The following USP24 variants were observed in gnomAD, a reference collection of about 807,000 sequenced individuals.
The protein encoded by USP24 is ubiquitin carboxyl-terminal hydrolase 24.
USP24 carries 97 observed loss-of-function variants against 361.6 expected under a neutral mutation model. That is an observed-to-expected ratio of 0.27 (90% CI 0.23 to 0.32). The LOEUF (loss-of-function observed/expected upper bound fraction) is 0.32. Ranked by LOEUF, USP24 falls within the 10% of genes least tolerant of loss-of-function variation. USP24 has a pLI of 1.00. For missense variants in USP24, 2,353 were observed against 3,165.6 expected (o/e 0.74, Z 6.16); for synonymous variants, 1,098 against 1,124.6 (o/e 0.98, Z 0.47).
At chr1:55,172,544 T>G (rs368844505) in intron 3 of USP24, 24 bp from the exon 4 acceptor site, 1 of 1,592,248 alleles carries the variant, frequency 6.3e-7, no homozygotes, top group Non-Finnish European at 8.5e-7. Context: ...AAGGGCAATC[T>G]AGAGTCTAAC....
At position 55,071,823 on chromosome 1, in the gene USP24, A is replaced by T. The variant is rs573418772; in HGVS notation, c.7791T>A (p.His2597Gln). Reference sequence around the variant, plus strand: ...ATGCTGACCGTTATACCTGCTGTAGATGCCTGTCTCCGTTCTCATTGGCAG... The same window carrying T: ...ATGCTGACCGTTATACCTGCTGTAGTTGCCTGTCTCCGTTCTCATTGGCAG... The part of the protein sequence containing the change: ...SSPANENGDR[H>Q]LQQGSESPMM... The change falls in exon 67 of 68, where the codon CAT becomes CAA. Residue 2597 changes from histidine (H) to glutamine (Q), a missense_variant. Around this residue, in one of 8 missense-constraint regions of USP24, gnomAD observed 53 missense variants for 57.7 expected, o/e 0.92. Transcript: ENST00000294383. 1.4e-5 allele frequency: 22 copies of T among 1,612,498 alleles called. No homozygotes were observed. Among genetic ancestry groups the T allele is most frequent in the Non-Finnish European group, 1.7e-5 (20 of 1,179,340 alleles).
At position 55,148,497 on chromosome 1, in the gene USP24, G is replaced by A. The variant is rs1172951945; in HGVS notation, c.1934C>T (p.Ser645Leu). The A allele has an allele frequency of 6.3e-7, 1 of 1,592,024 alleles. No individual in the cohort carries two copies. Among genetic ancestry groups the A allele is most frequent in the East Asian group, 2.3e-5 (1 of 44,092 alleles). Reference sequence around the variant, plus strand: ...CTTTTGATAGGTTTGTTTTATGAATGAGCGAGTAATTTCATGGAGCTGACG... The same window carrying A: ...CTTTTGATAGGTTTGTTTTATGAATAAGCGAGTAATTTCATGGAGCTGACG... ...ALRQLHEITR[S>L]FIKQTYQKQD... Residue 645 changes from serine to leucine, a missense_variant, in exon 17 of 68, where the codon TCA becomes TTA. Ser to Leu is a moderately radical substitution (Grantham distance 145, BLOSUM62 -2). This residue lies in a region of USP24 where 386 missense variants were observed against 560.5 expected (regional missense o/e 0.69). Transcript: ENST00000294383.
chr1:55,208,155 A>G (rs2454215), intron 1 of USP24, among the ~76,000 whole-genome samples: 102,048 of 152,100 alleles, frequency 0.67, 36,951 homozygotes, highest in East Asian at 0.91. Context: ...AATCACCTCT[A>G]AAACAGTGGA....
intron 42 of USP24, among the ~76,000 whole-genome samples, chr1:55,102,793 T>A (rs1645670896): frequency 1.3e-5 from 2 of 152,278 alleles, no homozygotes; most frequent in African/African-American, 4.8e-5. Context: ...AGGAAAAACA[T>A]AAGAAGTTCA....
At chr1:55,167,264 A>G (rs143337825) in intron 5 of USP24, among the ~76,000 whole-genome samples, 1,813 of 152,310 alleles carry the variant, frequency 0.012, 39 homozygotes, top group African/African-American at 0.042. Context: ...GGTGGTCATG[A>G]AAGACTTCTC....
chr1:55,083,925 G>T, intron 56 of USP24, 37 bp from the exon 57 acceptor site: 1 of 1,460,540 alleles, frequency 6.8e-7, no homozygotes, highest in South Asian at 1.3e-5. Context: ...TGAAGAAAAA[G>T]AACGTAAGAC....
At chr1:55,094,683 ATGC>A (rs1334294378) in intron 51 of USP24, among the ~76,000 whole-genome samples, 1 of 142,234 alleles carries the variant, frequency 7.0e-6, no homozygotes, top group Non-Finnish European at 1.5e-5. Context: ...TATTCAACAA[ATGC>A]TGCTAACATT....
intron 31 of USP24, 149 bp from the exon 32 acceptor site, chr1:55,129,723 T>G: frequency 1.7e-6 from 1 of 591,700 alleles, no homozygotes; most frequent in Non-Finnish European, 2.9e-6. Flanking sequence ...AGCTGATGTT[T>G]CACGATAAAA....
intron 7 of USP24, among the ~76,000 whole-genome samples, chr1:55,162,747 A>G (rs1648422028): frequency 1.3e-5 from 2 of 152,188 alleles, no homozygotes; most frequent in Non-Finnish European, 2.9e-5. Flanking sequence ...GCACTGACCT[A>G]TAAATTTAAT....
At position 55,125,394 on chromosome 1, in the gene USP24, G is replaced by T. The variant is rs768862591; in HGVS notation, c.3886C>A (p.Arg1296=). Residue 1296 remains arginine, a synonymous_variant, in exon 34 of 68, where the codon CGA becomes AGA. Transcript: ENST00000294383. ...LCGTPEKSSY[R]QLSVSDRSSI... is the part of the protein sequence containing the mutation. ...GACCTATCAGACACGGACAACTGTC[G>T]GTAGGATGACTTTTCTGGGGTACCA... 11 of 1,613,920 alleles carry T rather than the reference G, an allele frequency of 6.8e-6. No individual in the cohort carries two copies. Among genetic ancestry groups the T allele is most frequent in the Non-Finnish European group, 9.3e-6 (11 of 1,179,876 alleles).
At chr1:55,194,310 G>C (rs1557695249) in intron 1 of USP24, among the ~76,000 whole-genome samples, 1 of 152,166 alleles carries the variant, frequency 6.6e-6, no homozygotes, top group Non-Finnish European at 1.5e-5. Flanking sequence ...GTGTTACCTT[G>C]AATAAACTTC....
At chr1:55,196,384 CT>C (rs1644416959) in intron 1 of USP24, among the ~76,000 whole-genome samples, 1 of 152,140 alleles carries the variant, frequency 6.6e-6, no homozygotes, top group Admixed American at 6.5e-5. Context: ...TTTTAGACAT[CT>C]TTTTCTTAAC....
intron 54 of USP24, among the ~76,000 whole-genome samples, chr1:55,091,502 G>T (rs548544565): frequency 6.6e-6 from 1 of 152,058 alleles, no homozygotes; most frequent in Non-Finnish European, 1.5e-5. Context: ...AACCTTTCAC[G>T]ATCTCCCACT....
intron 44 of USP24, 39 bp from the exon 45 acceptor site, chr1:55,099,908 G>A: frequency 2.1e-6 from 3 of 1,446,072 alleles, no homozygotes; most frequent in Non-Finnish European, 2.8e-6. Context: ...AGGAAAAGTA[G>A]CAATTTCTGA....
intron 51 of USP24, among the ~76,000 whole-genome samples, chr1:55,094,978 G>A (rs1645464040): frequency 6.6e-6 from 1 of 152,136 alleles, no homozygotes; most frequent in Non-Finnish European, 1.5e-5. Flanking sequence ...ACTCCAGCCT[G>A]GGTGACAGAG....
chr1:55,168,454 G>T (rs950020234), intron 5 of USP24, among the ~76,000 whole-genome samples: 1 of 151,956 alleles, frequency 6.6e-6, no homozygotes, highest in African/African-American at 2.4e-5. Flanking sequence ...AGCTTAAAAC[G>T]AAGAGAAAGC....
intron 3 of USP24, among the ~76,000 whole-genome samples, chr1:55,173,098 A>T (rs905774318): frequency 2.0e-5 from 3 of 152,130 alleles, no homozygotes; most frequent in African/African-American, 7.2e-5. Flanking sequence ...TCTAACATAC[A>T]TATCCTTTTA....
At chr1:55,120,856 C>A (rs1646260037) in intron 37 of USP24, 100 bp from the exon 38 acceptor site, 1 of 1,370,732 alleles carries the variant, frequency 7.3e-7, no homozygotes, top group South Asian at 1.6e-5. Flanking sequence ...TTTAGTCAAT[C>A]AAGTTATTGA....
At chr1:55,069,812 G>C (rs1379443284) in intron 67 of USP24, among the ~76,000 whole-genome samples, 1 of 133,062 alleles carries the variant, frequency 7.5e-6, no homozygotes, top group Non-Finnish European at 1.5e-5. Flanking sequence ...GAAGGAGGTA[G>C]CAGTGAGGTG....
Sources: allele counts gnomAD v4.1 joint callset (sites outside exome capture counted in the v4.1 genomes callset), GRCh38; gene constraint gnomAD v4.1.1; regional missense constraint gnomAD v4.1.1; transcripts MANE v1.5; gene names NCBI Gene and HGNC (gene_info 2026-07-23, HGNC 2026-07-21).